The following EPB41 variants were observed in gnomAD, a reference collection of about 807,000 sequenced individuals.
The protein encoded by EPB41 is protein 4.1.
Under a neutral mutation model 108.0 loss-of-function variants are expected in EPB41, and 65 were observed. The ratio of observed to expected loss-of-function variants is 0.60; its 90% CI spans 0.49 to 0.74. EPB41 has a LOEUF of 0.74. Among genes scored for constraint, EPB41 ranks in the 30% least tolerant of loss-of-function variants. The pLI is 0.00. For missense variants in EPB41, 875 were observed against 1,037.0 expected, an observed-to-expected ratio of 0.84 and a Z score of 2.15; for synonymous variants, 336 against 358.9, an observed-to-expected ratio of 0.94 and a Z score of 0.72.
At chr1:29,074,279 T>C (rs939529908) in intron 16 of EPB41, among the ~76,000 whole-genome samples, 1 of 152,222 alleles carries the variant, frequency 6.6e-6, no homozygotes, top group Non-Finnish European at 1.5e-5. Context: ...TCCCAAACTA[T>C]AGCATTCTCT....
chr1:29,069,183 C>T, intron 16 of EPB41: 1 of 1,231,548 alleles, frequency 8.1e-7, no homozygotes, highest in Non-Finnish European at 1.0e-6. Context: ...GCTACTTTCT[C>T]CCTGATACAT....
chr1:28,950,778 C>A (rs2094687970), intron 1 of EPB41, among the ~76,000 whole-genome samples: 1 of 152,132 alleles, frequency 6.6e-6, no homozygotes, highest in African/African-American at 2.4e-5. Context: ...CCTCTCTTTA[C>A]AGATAGAGGC....
intron 1 of EPB41, among the ~76,000 whole-genome samples, chr1:28,946,332 C>T (rs964753873): frequency 4.6e-5 from 7 of 152,158 alleles, no homozygotes; most frequent in African/African-American, 1.7e-4. Flanking sequence ...TGGTCTTGAT[C>T]TCCTGACCTC....
At chr1:28,954,755 A>G (rs1451242501) in intron 1 of EPB41, among the ~76,000 whole-genome samples, 1 of 152,182 alleles carries the variant, frequency 6.6e-6, no homozygotes, top group African/African-American at 2.4e-5. Context: ...TCAAAAGCAC[A>G]TTCCCTATAT....
intron 1 of EPB41, among the ~76,000 whole-genome samples, chr1:28,933,751 A>G (rs1344906100): frequency 1.3e-5 from 2 of 152,160 alleles, no homozygotes; most frequent in Non-Finnish European, 2.9e-5. Context: ...TGGGAAGAAT[A>G]CAGAGGTGAT....
At chr1:28,945,555 A>T (rs968685091) in intron 1 of EPB41, among the ~76,000 whole-genome samples, 5 of 152,214 alleles carry the variant, frequency 3.3e-5, no homozygotes, top group Non-Finnish European at 7.3e-5. Flanking sequence ...CCCTAAGGGA[A>T]AAAAAGGAGT....
At chr1:28,934,941 T>C (rs1211604843) in intron 1 of EPB41, among the ~76,000 whole-genome samples, 2 of 151,690 alleles carry the variant, frequency 1.3e-5, no homozygotes, top group African/African-American at 4.8e-5. Flanking sequence ...TAGTGAGGCC[T>C]TGTCCCTACA....
In EPB41 at chr1:28,990,382, C is replaced by G. The variant is rs2095989197; in HGVS notation, c.468+2477C>G. Among the ~76,000 whole-genome samples, 6 of 119,780 alleles carry G rather than the reference C, an allele frequency of 5.0e-5. No individual in the cohort carries two copies. In the South Asian group the frequency reaches 1.8e-3, roughly 36 times the overall value. 78.6% of individuals were successfully genotyped at this position (119,780 alleles called of 152,430 possible). Reference sequence around the variant, plus strand: ...CTTCCTCTCTTCCTCTGCCTCCCTCCTTTCCCCTCCCTCCCTCCTTCCCCC... The same window carrying G: ...CTTCCTCTCTTCCTCTGCCTCCCTCGTTTCCCCTCCCTCCCTCCTTCCCCC... On this transcript the variant is annotated intron_variant, in intron 2 of 20. Coordinates refer to ENST00000343067, the MANE Select transcript of EPB41 (RefSeq NM_001376013.1).
intron 7 of EPB41, among the ~76,000 whole-genome samples, chr1:29,019,959 A>T (rs2096623752): frequency 6.6e-6 from 1 of 152,126 alleles, no homozygotes; most frequent in African/African-American, 2.4e-5. Context: ...TTAAGTTTTG[A>T]CTTATTCCAG....
chr1:28,907,687 A>T (rs2147973455), intron 1 of EPB41, among the ~76,000 whole-genome samples: 1 of 151,956 alleles, frequency 6.6e-6, no homozygotes, highest in Non-Finnish European at 1.5e-5. Flanking sequence ...ATCATGGCTC[A>T]CTGCAACCTA....
rs764461294 is a variant in EPB41 at position 28,984,304 on chromosome 1, G to A, written c.-7-3127G>A. On this transcript the variant is annotated intron_variant, in intron 1 of 20. Transcript: ENST00000343067. ...CAGTCTCATGCTTTTCTGTTTGAGGGTAGGGTTTCGTCAGAGACCCGTCCT... is the reference window on the plus strand; with the variant it reads ...CAGTCTCATGCTTTTCTGTTTGAGGATAGGGTTTCGTCAGAGACCCGTCCT... Among the ~76,000 whole-genome samples, 39 of 152,180 alleles carry A rather than the reference G, an allele frequency of 2.6e-4. 1 individual carries two copies. Among genetic ancestry groups the A allele is most frequent in the Admixed American group, 7.2e-4 (11 of 15,282 alleles).
intron 14 of EPB41, among the ~76,000 whole-genome samples, chr1:29,059,854 A>G (rs186250308): frequency 2.6e-4 from 39 of 152,284 alleles, no homozygotes; most frequent in Admixed American, 1.3e-3. Context: ...CTTTTCATCT[A>G]TAGAGTGGGA....
Position 28,887,565 on chromosome 1 carries a change from G to A in EPB41, c.-8+355G>A. 2 of 985,204 alleles carry A rather than the reference G, an allele frequency of 2.0e-6. No homozygotes were observed. The highest frequency in any genetic ancestry group is 4.7e-5 in the South Asian group (1 of 21,278). The allele number at this position is 985,204 out of a possible 1,614,324, so 61.0% of individuals were successfully genotyped here. A position where few individuals can be genotyped will look rare whatever the true frequency, so the allele number is the denominator to read the frequency against. ...GTCCCTGCAGGTCGGCGCAGCCCCC[G>A]GCCGCCCCCTAGCCCCGCCTTGCCC... On this transcript the variant is annotated intron_variant, in intron 1 of 16. Coordinates refer to the EPB41 transcript ENST00000347529. This position sits in a 1 kb window ranked among gnomAD's most constrained non-coding sequence, Gnocchi z 4.9.
At chr1:29,057,357 G>A (rs1645680598) in intron 12 of EPB41, among the ~76,000 whole-genome samples, 1 of 121,792 alleles carries the variant, frequency 8.2e-6, no homozygotes, top group African/African-American at 3.2e-5. Flanking sequence ...CTGGGCGACA[G>A]AGTGAGACTC....
At chr1:28,969,113 C>A (rs1283659124) in intron 1 of EPB41, among the ~76,000 whole-genome samples, 1 of 141,922 alleles carries the variant, frequency 7.0e-6, no homozygotes, top group African/African-American at 2.6e-5. Flanking sequence ...AAGACAGAGT[C>A]TTGCCCTGTC....
At chr1:29,040,999 G>A (rs1004892077) in intron 11 of EPB41, among the ~76,000 whole-genome samples, 7 of 151,976 alleles carry the variant, frequency 4.6e-5, no homozygotes, top group African/African-American at 1.7e-4. Context: ...AGCTGGGCAT[G>A]GTGGCGCACG....
intron 1 of EPB41, among the ~76,000 whole-genome samples, chr1:28,949,553 A>G (rs1270094671): frequency 6.6e-6 from 1 of 151,846 alleles, no homozygotes; most frequent in African/African-American, 2.4e-5. Flanking sequence ...AAAATGGTAT[A>G]TTTTGAATTC....
Position 29,035,900 on chromosome 1 carries a change from T to C in EPB41, c.1440T>C (p.Cys480=). The change falls in exon 10 of 21, where the codon TGT becomes TGC. Residue 480 remains cysteine (C), a synonymous_variant. Transcript: ENST00000343067. The part of the protein sequence containing the change: ...YRAAKKLWKV[C]VEHHTFFRLT... ...CAGCTAAGAAATTATGGAAAGTCTGTGTAGAACATCACACGTTTTTCAGGT... is the reference window on the plus strand; with the variant it reads ...CAGCTAAGAAATTATGGAAAGTCTGCGTAGAACATCACACGTTTTTCAGGT... The C allele has an allele frequency of 1.2e-6, 2 of 1,613,400 alleles. No homozygotes were observed. The highest frequency in any genetic ancestry group is 8.5e-7 in the Non-Finnish European group (1 of 1,179,320).
intron 1 of EPB41, among the ~76,000 whole-genome samples, chr1:28,906,598 A>T (rs1163068012): frequency 6.6e-6 from 1 of 152,118 alleles, no homozygotes; most frequent in East Asian, 1.9e-4. Flanking sequence ...TATCAGAAGT[A>T]GTCAGGACAG....
Sources: gnomAD v4.1 joint callset for allele counts (sites outside exome capture counted in the v4.1 genomes callset) on GRCh38, gnomAD v4.1.1 for gene constraint, Gnocchi (gnomAD v3.1) non-coding constraint, MANE v1.5 for transcripts, NCBI Gene and HGNC (gene_info 2026-07-23, HGNC 2026-07-21) for gene names.